The following SLCO1A2 variants were observed in gnomAD, a reference collection of about 807,000 sequenced individuals.
The protein encoded by SLCO1A2 is solute carrier organic anion transporter family member 1A2.
SLCO1A2 carries 67 observed loss-of-function variants against 69.0 expected under a neutral mutation model. The observed-to-expected ratio is 0.97, with a 90% CI of 0.80 to 1.19. SLCO1A2 has a LOEUF of 1.19. SLCO1A2 is among the 50% of genes most tolerant of loss of function. The pLI is 0.00. For synonymous variants in SLCO1A2, 260 were observed against 265.9 expected (o/e 0.98, Z 0.22); for missense variants, 787 against 793.7 (o/e 0.99, Z 0.10).
chr12:21,355,341 G>A (rs1272058651), intron 2 of SLCO1A2, among the ~76,000 whole-genome samples: 2 of 152,100 alleles, frequency 1.3e-5, no homozygotes, highest in Non-Finnish European at 2.9e-5. Flanking sequence ...CTAGAACTTA[G>A]ATAAGTTAAG....
At chr12:21,338,110 A>G (rs1408641069), upstream of SLCO1A2, among the ~76,000 whole-genome samples, 1 of 152,072 alleles carries the variant, frequency 6.6e-6, no homozygotes, top group Non-Finnish European at 1.5e-5. Flanking sequence ...TGTAAATATC[A>G]TCAATGTCAC....
chr12:21,283,189 C>T (rs1233252946), intron 12 of SLCO1A2, among the ~76,000 whole-genome samples: 1 of 151,932 alleles, frequency 6.6e-6, no homozygotes, highest in Non-Finnish European at 1.5e-5. Context: ...CTATAGTAAC[C>T]AAAACAGCAT....
At chr12:21,360,788 G>A (rs1007899672) in intron 2 of SLCO1A2, among the ~76,000 whole-genome samples, 3 of 152,208 alleles carry the variant, frequency 2.0e-5, no homozygotes, top group African/African-American at 7.2e-5. Flanking sequence ...CTCGCTCACT[G>A]CTAGCACAGC....
intron 2 of SLCO1A2, among the ~76,000 whole-genome samples, chr12:21,371,537 A>G (rs1939789434): frequency 6.6e-6 from 1 of 152,216 alleles, no homozygotes; most frequent in Admixed American, 6.5e-5. Context: ...ACAATGTTAC[A>G]AAGCTTTTAA....
At chr12:21,394,591 A>C (rs1941336763) in intron 1 of SLCO1A2, among the ~76,000 whole-genome samples, 1 of 147,436 alleles carries the variant, frequency 6.8e-6, no homozygotes, top group Non-Finnish European at 1.5e-5. Context: ...AACAAAAAAC[A>C]AAAAAAAAAG....
chr12:21,384,523 C>T (rs558637577), intron 1 of SLCO1A2, among the ~76,000 whole-genome samples: 14 of 152,094 alleles, frequency 9.2e-5, no homozygotes, highest in African/African-American at 2.9e-4. Flanking sequence ...GCACACAAAC[C>T]CTTAAAAGGA....
intron 2 of SLCO1A2, among the ~76,000 whole-genome samples, chr12:21,355,763 A>G (rs1427378476): frequency 6.6e-6 from 1 of 152,210 alleles, no homozygotes; most frequent in African/African-American, 2.4e-5. Context: ...GAAACAAAAT[A>G]CAGATTAAGT....
chr12:21,333,003 G>C (rs576238964), intron 2 of SLCO1A2, among the ~76,000 whole-genome samples: 13 of 152,152 alleles, frequency 8.5e-5, no homozygotes, highest in African/African-American at 3.1e-4. Flanking sequence ...ATTGACTACA[G>C]CATAGTATGG....
upstream of SLCO1A2, among the ~76,000 whole-genome samples, chr12:21,396,667 G>T (rs1245586436): frequency 6.5e-4 from 99 of 152,110 alleles, no homozygotes; most frequent in African/African-American, 1.3e-3. Context: ...GACTAAAAGT[G>T]GATCTCTCAG....
intron 6 of SLCO1A2, among the ~76,000 whole-genome samples, 200 bp downstream of exon 6, chr12:21,304,227 A>G (rs1949069639): frequency 6.6e-6 from 1 of 152,176 alleles, no homozygotes; most frequent in Non-Finnish European, 1.5e-5. Flanking sequence ...CAATAGTAGA[A>G]AGTAGATTTA....
chr12:21,282,077 G>T (rs1944893103), intron 12 of SLCO1A2, among the ~76,000 whole-genome samples: 1 of 150,296 alleles, frequency 6.7e-6, no homozygotes. Context: ...ATTCTATGAG[G>T]CCAGTATTAT....
chr12:21,296,400 C>T (rs369507346), intron 9 of SLCO1A2, among the ~76,000 whole-genome samples: 3 of 152,078 alleles, frequency 2.0e-5, no homozygotes, highest in Admixed American at 6.6e-5. Flanking sequence ...AACACCACAC[C>T]TGGCTAATTT....
intron 10 of SLCO1A2, 45 bp downstream of exon 10, chr12:21,295,552 A>T: frequency 8.2e-7 from 1 of 1,217,970 alleles, no homozygotes; most frequent in Non-Finnish European, 1.2e-6. Context: ...ATATCATATT[A>T]ACCATTTGTT....
At chr12:21,409,842 G>C (rs557257527) in intron 1 of SLCO1A2, among the ~76,000 whole-genome samples, 1 of 152,234 alleles carries the variant, frequency 6.6e-6, no homozygotes, top group Admixed American at 6.5e-5. Context: ...CATTATGTGT[G>C]TTCTCTTCAC....
rs777036230 is a variant in SLCO1A2 at position 21,373,344 on chromosome 12, G to C, written c.-63+1055C>G. 7 of 1,604,710 alleles carry C rather than the reference G, an allele frequency of 4.4e-6. No homozygotes were observed. The East Asian group carries it at 1.6e-4, about 36-fold the overall frequency. ...CTGGATTATTCTTTGCAGAAAATTTGAGAAGCAATGGGCATCCTGAAGCTG... is the reference window on the plus strand; with the variant it reads ...CTGGATTATTCTTTGCAGAAAATTTCAGAAGCAATGGGCATCCTGAAGCTG... On this transcript the variant is annotated intron_variant, in intron 2 of 15. Coordinates refer to the SLCO1A2 transcript ENST00000307378.
chr12:21,418,535 A>G (rs1942024344), upstream of SLCO1A2, among the ~76,000 whole-genome samples: 1 of 152,190 alleles, frequency 6.6e-6, no homozygotes, highest in South Asian at 2.1e-4. Context: ...GGCAAAAGGC[A>G]TGTCTTAGAT....
chr12:21,378,347 AC>A (rs778491265), intron 1 of SLCO1A2: 3 of 1,614,148 alleles, frequency 1.9e-6, no homozygotes, highest in Non-Finnish European at 2.5e-6. Context: ...TCATCTACCA[AC>A]GTGGGATCCA....
chr12:21,304,671 C>A, intron 5 of SLCO1A2, 98 bp from the exon 6 acceptor site: 1 of 1,105,346 alleles, frequency 9.0e-7, no homozygotes, highest in Non-Finnish European at 1.3e-6. Flanking sequence ...AGTTATATGA[C>A]CATGGCCCCT....
chr12:21,322,479 G>A (rs1445573341), intron 2 of SLCO1A2, among the ~76,000 whole-genome samples: 3 of 152,310 alleles, frequency 2.0e-5, no homozygotes, highest in African/African-American at 7.2e-5. Flanking sequence ...CCCGAAGCAG[G>A]GGGTTCCCAG....
Sources: gnomAD v4.1 joint callset for allele counts (sites outside exome capture counted in the v4.1 genomes callset) on GRCh38, gnomAD v4.1.1 for gene constraint, MANE v1.5 for transcripts, NCBI Gene and HGNC (gene_info 2026-07-23, HGNC 2026-07-21) for gene names.